Variants in COTL1 observed in about 807,000 individuals in gnomAD.
COTL1 encodes the protein coactosin-like protein.
A neutral mutation model predicts 16.5 loss-of-function variants in COTL1; 15 were observed. The ratio of observed to expected loss-of-function variants is 0.91; its 90% CI spans 0.61 to 1.40. The LOEUF is 1.40. Ranked by LOEUF, COTL1 falls within the 40% of genes most tolerant of loss-of-function variation. COTL1 has a pLI of 0.00. For synonymous variants in COTL1, 112 were observed against 85.3 expected, an observed-to-expected ratio of 1.31 and a Z score of -1.73; for missense variants, 220 against 201.5, an observed-to-expected ratio of 1.09 and a Z score of -0.56.
At chr16:84,605,195 T>C (rs1463092508) in intron 2 of COTL1, among the ~76,000 whole-genome samples, 1 of 152,204 alleles carries the variant, frequency 6.6e-6, no homozygotes, top group African/African-American at 2.4e-5. Context: ...GAGCCTCCCG[T>C]GGTCTTCCCT....
intron 3 of COTL1, 56 bp from the exon 4 acceptor site, chr16:84,567,011 G>A: frequency 1.5e-6 from 2 of 1,297,040 alleles, no homozygotes; most frequent in South Asian, 1.2e-5. Context: ...CACAGGATGT[G>A]AGGGTGGCTC....
intron 3 of COTL1, chr16:84,567,286 C>G (rs1904303043): frequency 4.5e-6 from 1 of 220,878 alleles, no homozygotes; most frequent in Non-Finnish European, 9.0e-6. Flanking sequence ...TTCTCTGTGC[C>G]TCAACTTTCT....
chr16:84,585,156 GC>G (rs1205222181), intron 3 of COTL1, among the ~76,000 whole-genome samples: 1 of 152,022 alleles, frequency 6.6e-6, no homozygotes, highest in East Asian at 1.9e-4. Context: ...GGAGAGACTT[GC>G]CCATGGTCAG....
chr16:84,579,839 C>T (rs1904540109), intron 3 of COTL1, among the ~76,000 whole-genome samples: 1 of 152,250 alleles, frequency 6.6e-6, no homozygotes, highest in Admixed American at 6.5e-5. Flanking sequence ...AGGAAAGACA[C>T]TCATACACAG....
At chr16:84,581,649 G>A (rs2914828) in intron 3 of COTL1, among the ~76,000 whole-genome samples, 52,220 of 151,784 alleles carry the variant, frequency 0.34, 9,604 homozygotes, top group African/African-American at 0.48. Flanking sequence ...GATTACAGGC[G>A]TGTGCCACTA....
At position 84,566,754 on chromosome 16, in the gene COTL1, G is replaced by C; in HGVS notation, c.*91C>G. ...CTCATGGCTTCTTTTCTCCCTGGTG[G>C]GCTGGTGGGCTAGTAGCTGAGGCCG... On this transcript the variant is annotated 3_prime_UTR_variant, in exon 4 of 4. Transcript: ENST00000262428. 1 of 815,818 alleles carries C rather than the reference G, an allele frequency of 1.2e-6. No individual in the cohort carries two copies. Among genetic ancestry groups the C allele is most frequent in the Non-Finnish European group, 2.1e-6 (1 of 486,390 alleles). 50.5% of individuals were successfully genotyped at this position (815,818 alleles called of 1,614,324 possible).
chr16:84,575,555 A>C (rs1033260454), intron 3 of COTL1: 1 of 152,010 alleles, frequency 6.6e-6, no homozygotes, highest in African/African-American at 2.4e-5. Flanking sequence ...ACAGGGTTTC[A>C]TCATGTTGGC....
chr16:84,605,261 G>C (rs983364050), intron 2 of COTL1, among the ~76,000 whole-genome samples: 1 of 152,204 alleles, frequency 6.6e-6, no homozygotes, highest in Non-Finnish European at 1.5e-5. Flanking sequence ...TGTCAGGAGT[G>C]GGGGCGAGAA....
chr16:84,603,571 G>T (rs1333516660), intron 2 of COTL1, among the ~76,000 whole-genome samples: 1 of 144,310 alleles, frequency 6.9e-6, no homozygotes, highest in Non-Finnish European at 1.5e-5. Flanking sequence ...CTGGCACACA[G>T]GAAGTGTTGG....
chr16:84,615,140 G>A (rs9938546), intron 2 of COTL1, among the ~76,000 whole-genome samples: 11 of 152,322 alleles, frequency 7.2e-5, no homozygotes, highest in South Asian at 4.1e-4. Flanking sequence ...AGGAACAAGC[G>A]TTTCCGAGAG....
intron 2 of COTL1, among the ~76,000 whole-genome samples, chr16:84,592,576 T>C (rs1404001623): frequency 1.4e-5 from 2 of 146,718 alleles, no homozygotes; most frequent in African/African-American, 2.5e-5. Context: ...CTGATGCTAC[T>C]GGTCAAAGGA....
At chr16:84,614,194 G>C (rs1905408330) in intron 2 of COTL1, among the ~76,000 whole-genome samples, 1 of 152,232 alleles carries the variant, frequency 6.6e-6, no homozygotes. Flanking sequence ...GCCCTCGCAA[G>C]GTCTCTGACC....
rs1457382195 is a variant in COTL1 at position 84,590,255 on chromosome 16, G to A, written c.168C>T (p.Val56=). The change falls in exon 3 of 4, where the codon GTC becomes GTT. Residue 56 remains valine, a synonymous_variant. Transcript: ENST00000262428. The surrounding 1 kb of genome is among the most constrained non-coding windows in gnomAD (Gnocchi z 5.5). ...QHFIQQCTDD[V]RLFAFVRFTT... Reference sequence around the variant, plus strand: ...TGAAGCGCACGAAGGCAAACAACCGGACGTCATCTGTGGCCAAAAGCGAAA... The same window carrying A: ...TGAAGCGCACGAAGGCAAACAACCGAACGTCATCTGTGGCCAAAAGCGAAA... The A allele has an allele frequency of 1.3e-5, 21 of 1,613,770 alleles. No individual in the cohort carries two copies. The highest frequency in any genetic ancestry group is 1.8e-5 in the Non-Finnish European group (21 of 1,179,802).
chr16:84,573,935 C>A (rs568395832), intron 3 of COTL1, among the ~76,000 whole-genome samples: 1 of 152,040 alleles, frequency 6.6e-6, no homozygotes. Context: ...AAGGGAGAAT[C>A]GCTTGAACCC....
chr16:84,601,604 G>A (rs767228213), intron 2 of COTL1, among the ~76,000 whole-genome samples: 6 of 152,066 alleles, frequency 3.9e-5, no homozygotes, highest in East Asian at 3.9e-4. Flanking sequence ...TTACTGGCAC[G>A]CTCCACCACA....
At chr16:84,569,312 T>C (rs1439334156) in intron 3 of COTL1, among the ~76,000 whole-genome samples, 3 of 152,046 alleles carry the variant, frequency 2.0e-5, no homozygotes, top group Admixed American at 1.3e-4. Context: ...CAGGGTGAGA[T>C]CTGTCTCAAA....
In COTL1 at chr16:84,573,750, A is replaced by ATAT. The variant is rs1326948191; in HGVS notation, c.319-6796_319-6795insATA. 6.0e-3 allele frequency among the ~76,000 whole-genome samples: 605 copies of ATAT among 101,274 alleles called. 4 individuals carry two copies. Among genetic ancestry groups the ATAT allele is most frequent in the South Asian group, 0.016 (48 of 2,910 alleles). The allele number at this position is 101,274 out of a possible 152,430, so 66.4% of individuals were successfully genotyped here. A position where few individuals can be genotyped will look rare whatever the true frequency, so the allele number is the denominator to read the frequency against. On this transcript the variant is annotated intron_variant, in intron 3 of 3. Coordinates refer to ENST00000262428, the MANE Select transcript of COTL1 (RefSeq NM_021149.5). The stretch of plus-strand genomic sequence containing the variant: ...AGCGAAACTCTGTCTCAAAAAAAAA[A>ATAT]AAATATATATATATACATACACACA...
chr16:84,617,858 G>A lies in COTL1; in HGVS notation c.57C>T (p.Asp19=). ...CCTACCAGATGACGGCCGAGCCGTCGTCGCGCACCAGGTTGTACGCCGCCC... is the reference window on the plus strand; with the variant it reads ...CCTACCAGATGACGGCCGAGCCGTCATCGCGCACCAGGTTGTACGCCGCCC... ...ACRAAYNLVR[D]DGSAVIWVTF... Residue 19 remains aspartate, a synonymous_variant, in exon 1 of 4, where the codon GAC becomes GAT. Transcript: ENST00000262428. 1 of 1,576,382 alleles carries A rather than the reference G, an allele frequency of 6.3e-7. No homozygotes were observed. Among genetic ancestry groups the A allele is most frequent in the Non-Finnish European group, 8.6e-7 (1 of 1,162,154 alleles).
chr16:84,580,309 T>A (rs1009052019), intron 3 of COTL1, among the ~76,000 whole-genome samples: 1 of 152,214 alleles, frequency 6.6e-6, no homozygotes, highest in Non-Finnish European at 1.5e-5. Context: ...GGAGTGCCAC[T>A]GCATCCTCAC....
Sources: allele counts gnomAD v4.1 joint callset (sites outside exome capture counted in the v4.1 genomes callset), GRCh38; gene constraint gnomAD v4.1.1; non-coding constraint Gnocchi (gnomAD v3.1); transcripts MANE v1.5; gene names NCBI Gene and HGNC (gene_info 2026-07-23, HGNC 2026-07-21).